Variants in MYOM2 observed in about 807,000 individuals in gnomAD.
The protein encoded by MYOM2 is myomesin-2.
A neutral mutation model predicts 187.6 loss-of-function variants in MYOM2; 254 were observed. The ratio of observed to expected loss-of-function variants is 1.35; its 90% confidence interval spans 1.22 to 1.50. The LOEUF (loss-of-function observed/expected upper bound fraction) is 1.50. Ranked by LOEUF, MYOM2 falls within the 40% of genes most tolerant of loss-of-function variation. The pLI is 0.00. For missense variants in MYOM2, 2,796 were observed against 1,924.0 expected (o/e 1.45, Z -8.48); for synonymous variants, 981 against 753.8 (o/e 1.30, Z -4.94).
At chr8:2,141,004 G>C in intron 33 of MYOM2, 118 bp downstream of exon 33, 1 of 1,331,662 alleles carries the variant, frequency 7.5e-7, no homozygotes, top group African/African-American at 1.5e-5. Flanking sequence ...TTTTCATTTA[G>C]AGAAAATGAA....
chr8:2,124,333 G>C (rs1797561343), intron 31 of MYOM2, 116 bp downstream of exon 31: 1 of 1,033,318 alleles, frequency 9.7e-7, no homozygotes, highest in Non-Finnish European at 1.5e-6. Flanking sequence ...CGTGTTCTGT[G>C]GGAGGCCCTG....
rs1182758113 is a variant in MYOM2 at position 2,116,370 on chromosome 8, C to A, written c.3385+95C>A. 3.6e-5 allele frequency: 44 copies of A among 1,231,784 alleles called. No individual in the cohort carries two copies. The East Asian group carries it at 1.0e-3, about 28-fold the overall frequency. The allele number at this position is 1,231,784 out of a possible 1,614,324, so 76.3% of individuals were successfully genotyped here. A position where few individuals can be genotyped will look rare whatever the true frequency, so the allele number is the denominator to read the frequency against. On this transcript the variant is annotated intron_variant, in intron 27 of 36. Transcript: ENST00000262113. ...GAAGCAGATCTTGCATGATCCCAAGCAACCCTAAAGGCTGTTTTAAATGAT... is the reference window on the plus strand; with the variant it reads ...GAAGCAGATCTTGCATGATCCCAAGAAACCCTAAAGGCTGTTTTAAATGAT...
At chr8:2,103,991 A>T (rs551673378) in intron 21 of MYOM2, among the ~76,000 whole-genome samples, 1 of 152,166 alleles carries the variant, frequency 6.6e-6, no homozygotes, top group African/African-American at 2.4e-5. Context: ...GAAGTATGCA[A>T]TTAAATCTCT....
At chr8:2,069,229 C>T in intron 6 of MYOM2, 49 bp from the exon 7 acceptor site, 1 of 1,565,218 alleles carries the variant, frequency 6.4e-7, no homozygotes, top group Non-Finnish European at 8.7e-7. Context: ...GGGTCACTGA[C>T]TTTTACACAA....
intron 10 of MYOM2, among the ~76,000 whole-genome samples, chr8:2,074,275 G>C (rs1371041337): frequency 6.6e-6 from 1 of 152,138 alleles, no homozygotes; most frequent in East Asian, 1.9e-4. Context: ...AGGAAATACT[G>C]TTCTCAGTTT....
intron 6 of MYOM2, among the ~76,000 whole-genome samples, chr8:2,061,466 C>T (rs1262652462): frequency 1.1e-4 from 17 of 152,208 alleles, no homozygotes; most frequent in Admixed American, 1.1e-3. Context: ...CTTCCTCTTC[C>T]TGCCTTCCCT....
At chr8:2,081,692 C>G (rs1195947046) in intron 13 of MYOM2, 1 of 153,448 alleles carries the variant, frequency 6.5e-6, no homozygotes, top group Non-Finnish European at 1.5e-5. Context: ...GGCAGAAGCC[C>G]TGCCTTTTTG....
At chr8:2,064,681 G>C (rs1191601636) in intron 6 of MYOM2, among the ~76,000 whole-genome samples, 1 of 152,234 alleles carries the variant, frequency 6.6e-6, no homozygotes, top group Non-Finnish European at 1.5e-5. Flanking sequence ...AATGCCTGAA[G>C]TCAATTGAAA....
chr8:2,095,875 C>A (rs1350045619), intron 17 of MYOM2, among the ~76,000 whole-genome samples: 1 of 152,152 alleles, frequency 6.6e-6, no homozygotes, highest in East Asian at 1.9e-4. Context: ...ATAGTTATTC[C>A]TTATGGTTGT....
At chr8:2,139,847 G>A (rs889081360) in intron 32 of MYOM2, among the ~76,000 whole-genome samples, 1 of 152,188 alleles carries the variant, frequency 6.6e-6, no homozygotes, top group East Asian at 1.9e-4. Flanking sequence ...TGTTGCAGAT[G>A]TGGAACCTTA....
chr8:2,070,218 G>T (rs112666092), intron 8 of MYOM2, among the ~76,000 whole-genome samples: 50 of 152,336 alleles, frequency 3.3e-4, no homozygotes, highest in African/African-American at 6.7e-4. Flanking sequence ...TTTAGAATTG[G>T]CCTGAACTTC....
chr8:2,105,999 C>A (rs1796875318), intron 21 of MYOM2, among the ~76,000 whole-genome samples: 1 of 152,138 alleles, frequency 6.6e-6, no homozygotes, highest in Non-Finnish European at 1.5e-5. Context: ...TGAGTGCCAG[C>A]AGGGGGAATG....
chr8:2,053,675 G>T (rs550208980), intron 3 of MYOM2, among the ~76,000 whole-genome samples: 30 of 152,338 alleles, frequency 2.0e-4, no homozygotes, highest in African/African-American at 7.0e-4. Flanking sequence ...TCAAAGAAGG[G>T]ATTTGAGTGA....
chr8:2,080,684 G>A (rs1819590221), intron 13 of MYOM2, among the ~76,000 whole-genome samples: 1 of 152,200 alleles, frequency 6.6e-6, no homozygotes, highest in Non-Finnish European at 1.5e-5. Context: ...TCTCATGCAT[G>A]ATAAACCCTC....
chr8:2,048,601 G>T (rs941134241), intron 1 of MYOM2, among the ~76,000 whole-genome samples: 1 of 152,040 alleles, frequency 6.6e-6, no homozygotes, highest in African/African-American at 2.4e-5. Context: ...AATATGGAAC[G>T]CCAGAGCTAG....
chr8:2,117,124 A>G (rs917862073), intron 27 of MYOM2, among the ~76,000 whole-genome samples: 1 of 151,678 alleles, frequency 6.6e-6, no homozygotes, highest in African/African-American at 2.4e-5. Context: ...AATGTGAATT[A>G]TGAAACATAA....
chr8:2,139,684 C>T (rs1798208272), intron 32 of MYOM2, among the ~76,000 whole-genome samples: 2 of 152,144 alleles, frequency 1.3e-5, no homozygotes, highest in South Asian at 4.1e-4. Flanking sequence ...GAAACAGGTC[C>T]ACATTCCAGC....
intron 34 of MYOM2, among the ~76,000 whole-genome samples, 184 bp downstream of exon 34, chr8:2,141,361 G>A (rs1798268002): frequency 6.6e-6 from 1 of 152,198 alleles, no homozygotes; most frequent in Non-Finnish European, 1.5e-5. Context: ...AACCAGAAAT[G>A]CATTTATAAA....
chr8:2,120,680 T>TATATATATATATATATATA lies in MYOM2; in HGVS notation c.3454-2572_3454-2571insATATATATATATATATATA. ...CCTGTATATATATATATATATTATA[T>TATATATATATATATATATA]TATATATAAATATATAATATATATA... On this transcript the variant is annotated intron_variant, in intron 28 of 36. Transcript: ENST00000262113. Among the ~76,000 whole-genome samples the TATATATATATATATATATA allele has an allele frequency of 1.3e-3, 63 of 48,242 alleles. 4 individuals carry two copies. Among genetic ancestry groups the TATATATATATATATATATA allele is most frequent in the Admixed American group, 3.1e-3 (8 of 2,564 alleles). The allele number at this position is 48,242 out of a possible 152,430, so 31.6% of individuals were successfully genotyped here.
Sources: gnomAD v4.1 joint callset for allele counts (sites outside exome capture counted in the v4.1 genomes callset) on GRCh38, gnomAD v4.1.1 for gene constraint, MANE v1.5 for transcripts, NCBI Gene and HGNC (gene_info 2026-07-23, HGNC 2026-07-21) for gene names.